The following PRKG1 variants were observed in gnomAD, a reference collection of about 807,000 sequenced individuals.
The protein encoded by PRKG1 is protein kinase cGMP-dependent 1.
A neutral mutation model predicts 88.1 loss-of-function variants in PRKG1; 35 were observed. The ratio of observed to expected loss-of-function variants is 0.40; its 90% CI spans 0.30 to 0.53. The LOEUF (loss-of-function observed/expected upper bound fraction) is 0.53. Ranked by LOEUF, PRKG1 falls within the 20% of genes least tolerant of loss-of-function variation. The pLI is 0.59. For synonymous variants in PRKG1, 303 were observed against 292.5 expected, an observed-to-expected ratio of 1.04 and a Z score of -0.37; for missense variants, 540 against 839.8, an observed-to-expected ratio of 0.64 and a Z score of 4.41.
intron 7 of PRKG1, among the ~76,000 whole-genome samples, chr10:52,093,255 A>G (rs16926473): frequency 0.041 from 6,187 of 152,252 alleles, 441 homozygotes; most frequent in African/African-American, 0.14. Flanking sequence ...TGACTCTTTA[A>G]GCTGTCTTAA....
intron 1 of PRKG1, among the ~76,000 whole-genome samples, chr10:51,051,866 G>T (rs1218753492): frequency 6.6e-6 from 1 of 152,022 alleles, no homozygotes; most frequent in Non-Finnish European, 1.5e-5. Context: ...TAAGGCTTAA[G>T]AAAAATCGAT....
chr10:51,806,778 CA>C (rs1450635428), intron 4 of PRKG1, among the ~76,000 whole-genome samples: 5 of 152,118 alleles, frequency 3.3e-5, no homozygotes, highest in Admixed American at 3.3e-4. Flanking sequence ...CTCCTATAGC[CA>C]AAAACAGTGA....
intron 3 of PRKG1, among the ~76,000 whole-genome samples, chr10:51,689,384 A>G (rs1039003261): frequency 6.6e-6 from 1 of 152,204 alleles, no homozygotes; most frequent in Non-Finnish European, 1.5e-5. Flanking sequence ...GCATATTCAT[A>G]TATTATAATA....
At chr10:51,589,714 T>C (rs1330483168) in intron 3 of PRKG1, among the ~76,000 whole-genome samples, 1 of 152,254 alleles carries the variant, frequency 6.6e-6, no homozygotes, top group Non-Finnish European at 1.5e-5. Context: ...CACCTTCACT[T>C]TCATTTTCCT....
At chr10:51,042,351 C>T (rs1843434988) in intron 1 of PRKG1, among the ~76,000 whole-genome samples, 1 of 152,128 alleles carries the variant, frequency 6.6e-6, no homozygotes, top group African/African-American at 2.4e-5. Flanking sequence ...CTGATATTTC[C>T]CACTACCTCA....
chr10:52,113,302 T>C (rs1304934108), intron 7 of PRKG1, among the ~76,000 whole-genome samples: 1 of 152,190 alleles, frequency 6.6e-6, no homozygotes, highest in East Asian at 1.9e-4. Flanking sequence ...ATTCATTATG[T>C]ATCATTGTAT....
chr10:51,615,470 A>C (rs1839025450), intron 3 of PRKG1, among the ~76,000 whole-genome samples: 1 of 152,082 alleles, frequency 6.6e-6, no homozygotes. Context: ...CTGATAACTC[A>C]AATATTTTGT....
chr10:51,293,396 G>T (rs1038962045), intron 2 of PRKG1, among the ~76,000 whole-genome samples: 1 of 151,930 alleles, frequency 6.6e-6, no homozygotes, highest in Non-Finnish European at 1.5e-5. Flanking sequence ...ACCAGCTCCT[G>T]GCAACCACCA....
At chr10:51,429,494 A>C (rs1234177452) in intron 2 of PRKG1, among the ~76,000 whole-genome samples, 1 of 152,142 alleles carries the variant, frequency 6.6e-6, no homozygotes, top group Non-Finnish European at 1.5e-5. Flanking sequence ...ACTGACTCTA[A>C]GGGTCCCACA....
intron 8 of PRKG1, among the ~76,000 whole-genome samples, chr10:52,160,317 C>T (rs1838245326): frequency 6.6e-6 from 1 of 151,840 alleles, no homozygotes. Context: ...TTTATTATCA[C>T]TGGTAATATA....
intron 5 of PRKG1, among the ~76,000 whole-genome samples, chr10:52,051,297 A>G (rs1845982743): frequency 6.6e-6 from 1 of 152,170 alleles, no homozygotes; most frequent in South Asian, 2.1e-4. Context: ...ATAATTGTAT[A>G]TTCACTAGTA....
chr10:51,467,896 T>G, intron 3 of PRKG1, 60 bp downstream of exon 3: 3 of 1,379,222 alleles, frequency 2.2e-6, no homozygotes, highest in South Asian at 1.2e-5. Flanking sequence ...GCCTTTGAGA[T>G]GTTGTTTAAA....
intron 5 of PRKG1, among the ~76,000 whole-genome samples, chr10:52,035,447 G>A (rs1404856296): frequency 6.6e-6 from 1 of 152,166 alleles, no homozygotes; most frequent in Non-Finnish European, 1.5e-5. Context: ...GCAGGCTAGT[G>A]GCTTGTACTA....
intron 8 of PRKG1, among the ~76,000 whole-genome samples, chr10:52,160,525 G>A (rs1440296570): frequency 1.3e-5 from 2 of 151,760 alleles, no homozygotes; most frequent in Non-Finnish European, 2.9e-5. Flanking sequence ...CAGCATTCTG[G>A]TTACCATGCA....
intron 4 of PRKG1, among the ~76,000 whole-genome samples, chr10:51,805,419 CTG>C (rs1564654009): frequency 1.3e-5 from 2 of 151,868 alleles, no homozygotes. Context: ...TATCTTATAA[CTG>C]AAAAGAATAT....
intron 3 of PRKG1, among the ~76,000 whole-genome samples, chr10:51,756,094 A>G (rs1837852860): frequency 6.6e-6 from 1 of 152,230 alleles, no homozygotes; most frequent in South Asian, 2.1e-4. Flanking sequence ...AAAGTGTTAG[A>G]TAACATTGGG....
At chr10:52,280,650 A>G (rs1841984049) in intron 12 of PRKG1, 139 bp from the exon 13 acceptor site, 4 of 862,112 alleles carry the variant, frequency 4.6e-6, no homozygotes, top group Non-Finnish European at 7.1e-6. Context: ...AATGGCAATC[A>G]TGTAACATTT....
intron 1 of PRKG1, among the ~76,000 whole-genome samples, chr10:51,041,203 G>T (rs555952298): frequency 6.6e-6 from 1 of 152,088 alleles, no homozygotes; most frequent in South Asian, 2.1e-4. Context: ...CAGGCTCTAG[G>T]TATCCCTTCC....
chr10:51,361,726 C>T (rs1444757203), intron 2 of PRKG1, among the ~76,000 whole-genome samples: 1 of 151,724 alleles, frequency 6.6e-6, no homozygotes, highest in Non-Finnish European at 1.5e-5. Context: ...GGCAGAATCT[C>T]TGATGTAAGT....
Sources: gnomAD v4.1 joint callset for allele counts (sites outside exome capture counted in the v4.1 genomes callset) on GRCh38, gnomAD v4.1.1 for gene constraint, MANE v1.5 for transcripts, NCBI Gene and HGNC (gene_info 2026-07-23, HGNC 2026-07-21) for gene names.